Variants in SCARB2 observed in about 807,000 individuals in gnomAD.
SCARB2 encodes the protein scavenger receptor class B member 2, also known as lysosome membrane protein 2.
A neutral mutation model predicts 58.6 loss-of-function variants in SCARB2; 29 were observed. The ratio of observed to expected loss-of-function variants is 0.49; its 90% confidence interval spans 0.37 to 0.67. The LOEUF is 0.67. SCARB2 is among the 30% of genes least tolerant of loss of function. The pLI, the probability that SCARB2 is intolerant of heterozygous loss-of-function variation, is 0.00. For synonymous variants in SCARB2, 195 were observed against 210.1 expected (o/e 0.93, Z 0.62); for missense variants, 488 against 578.5 (o/e 0.84, Z 1.60).
chr4:76,209,589 G>A (rs1225724602), intron 1 of SCARB2, among the ~76,000 whole-genome samples: 4 of 152,068 alleles, frequency 2.6e-5, no homozygotes, highest in South Asian at 2.1e-4. Flanking sequence ...GGCTGGTCTC[G>A]AACTCCCGAC....
intron 10 of SCARB2, chr4:76,165,621 G>A (rs1310668930): frequency 1.3e-5 from 2 of 152,182 alleles, no homozygotes; most frequent in East Asian, 3.8e-4. Context: ...CACAGATTTT[G>A]TGAATAGTGA....
At chr4:76,220,146 T>C (rs1300155641) in intron 1 of SCARB2, among the ~76,000 whole-genome samples, 1 of 152,130 alleles carries the variant, frequency 6.6e-6, no homozygotes, top group African/African-American at 2.4e-5. Flanking sequence ...ACCTAGCAAC[T>C]CTCTTCCTAG....
In SCARB2 at chr4:76,168,467, T is replaced by C. The variant is rs745836207; in HGVS notation, c.1123A>G (p.Ile375Val). ...AACCTCTTGGCTGCTTTTAGGATTA[T>C]TCCAGTCAACTGCAAATCAGAGAAG... Reference protein sequence around the residue: ...TFVDINPLTGIILKAAKRFQI... With the variant: ...TFVDINPLTGVILKAAKRFQI... Residue 375 changes from isoleucine (I) to valine (V), a missense_variant, in exon 9 of 12, where the codon ATA becomes GTA. Ile to Val is a conservative substitution (Grantham distance 29). Coordinates refer to ENST00000264896, the MANE Select transcript of SCARB2 (RefSeq NM_005506.4). 1 of 1,613,960 alleles carries C rather than the reference T, an allele frequency of 6.2e-7. No homozygotes were observed. Among genetic ancestry groups the C allele is most frequent in the South Asian group, 1.1e-5 (1 of 91,072 alleles).
chr4:76,191,300 C>T (rs1006271447), intron 2 of SCARB2, among the ~76,000 whole-genome samples: 5 of 152,200 alleles, frequency 3.3e-5, no homozygotes, highest in Admixed American at 1.3e-4. Context: ...TACATATTGA[C>T]TTGTACAGAC....
At chr4:76,184,796 AAAAT>A in intron 2 of SCARB2, 1 of 362,780 alleles carries the variant, frequency 2.8e-6, no homozygotes, top group Non-Finnish European at 5.1e-6. Flanking sequence ...AAAAAAAAAA[AAAAT>A]TTTAATTTAA....
At chr4:76,177,752 A>C (rs190606485) in intron 4 of SCARB2, among the ~76,000 whole-genome samples, 19 of 152,334 alleles carry the variant, frequency 1.2e-4, no homozygotes, top group African/African-American at 2.2e-4. Context: ...ACAACATTAC[A>C]CTAAATTTAA....
chr4:76,166,525 A>G (rs1474726788), intron 9 of SCARB2: 1 of 598,872 alleles, frequency 1.7e-6, no homozygotes, highest in Admixed American at 2.8e-5. Flanking sequence ...AAGATACTGA[A>G]GGCAGATTCC....
At chr4:76,188,401 T>C (rs1486597321) in intron 2 of SCARB2, among the ~76,000 whole-genome samples, 1 of 152,210 alleles carries the variant, frequency 6.6e-6, no homozygotes, top group Non-Finnish European at 1.5e-5. Flanking sequence ...GGAATGCCCA[T>C]CATCTTTTTC....
At chr4:76,186,787 G>A (rs2109953700) in intron 2 of SCARB2, among the ~76,000 whole-genome samples, 1 of 152,166 alleles carries the variant, frequency 6.6e-6, no homozygotes, top group East Asian at 1.9e-4. Context: ...GATGGTGTGA[G>A]AGATCTTTTT....
intron 9 of SCARB2, among the ~76,000 whole-genome samples, chr4:76,167,677 C>A (rs534188423): frequency 3.3e-5 from 4 of 122,396 alleles, no homozygotes; most frequent in South Asian, 3.1e-4. Context: ...CTCCCTCCCC[C>A]CCCCCGCTTT....
At chr4:76,173,416 G>C (rs894488047) in intron 7 of SCARB2, 2 of 151,432 alleles carry the variant, frequency 1.3e-5, no homozygotes, top group African/African-American at 4.9e-5. Context: ...GTGCAACCTC[G>C]AACTCCTGGG....
At chr4:76,233,201 T>G (rs1733522301) in intron 1 of SCARB2, among the ~76,000 whole-genome samples, 1 of 152,224 alleles carries the variant, frequency 6.6e-6, no homozygotes, top group Non-Finnish European at 1.5e-5. Context: ...TAAAACCTGG[T>G]AAGTTGTTCT....
chr4:76,185,799 C>T (rs1041923768), intron 2 of SCARB2, among the ~76,000 whole-genome samples: 1 of 152,198 alleles, frequency 6.6e-6, no homozygotes, highest in Non-Finnish European at 1.5e-5. Context: ...ATTGGGCATA[C>T]ACTGGATACA....
intron 8 of SCARB2, 34 bp downstream of exon 8, chr4:76,169,831 CAT>C (rs752039344): frequency 6.8e-7 from 1 of 1,480,120 alleles, no homozygotes. Context: ...CAGAATAAAA[CAT>C]ATGCTCTTTT....
At chr4:76,207,576 T>C (rs1470814455) in intron 1 of SCARB2, among the ~76,000 whole-genome samples, 2 of 152,242 alleles carry the variant, frequency 1.3e-5, no homozygotes, top group African/African-American at 4.8e-5. Context: ...AAGTGGTCTT[T>C]ATTTTTCCTT....
intron 1 of SCARB2, among the ~76,000 whole-genome samples, chr4:76,222,961 G>A (rs934754750): frequency 2.0e-5 from 3 of 152,270 alleles, no homozygotes; most frequent in Admixed American, 6.5e-5. Context: ...CATGGGAATC[G>A]ACCATGTAGG....
chr4:76,159,366 A>T lies in SCARB2; in HGVS notation c.*2347T>A, dbSNP rs1188513210. The T allele has an allele frequency of 6.6e-6, 1 of 152,238 alleles. No homozygotes were observed. The highest frequency in any genetic ancestry group is 1.5e-5 in the Non-Finnish European group (1 of 68,046). 9.4% of individuals were successfully genotyped at this position (152,238 alleles called of 1,614,324 possible). ...ATCTATAATTTTGACTGTAGTTTGT[A>T]GATCTGTCTCAGACTTTTCAGAAGG... On this transcript the variant is annotated 3_prime_UTR_variant, in exon 12 of 12. Transcript: ENST00000264896.
intron 1 of SCARB2, among the ~76,000 whole-genome samples, chr4:76,197,342 T>C (rs1732734667): frequency 6.6e-6 from 1 of 152,260 alleles, no homozygotes; most frequent in South Asian, 2.1e-4. Flanking sequence ...GGCCTTAAGA[T>C]GCATGGCAAG....
At chr4:76,174,626 G>C in intron 6 of SCARB2, 1 of 352,278 alleles carries the variant, frequency 2.8e-6, no homozygotes, top group Non-Finnish European at 5.5e-6. Context: ...CTCTAGACCT[G>C]CATGGACATA....
Sources: gnomAD v4.1 joint callset for allele counts (sites outside exome capture counted in the v4.1 genomes callset) on GRCh38, gnomAD v4.1.1 for gene constraint, MANE v1.5 for transcripts, NCBI Gene and HGNC (gene_info 2026-07-23, HGNC 2026-07-21) for gene names.